The following ATG7 variants were observed in gnomAD, a reference collection of about 807,000 sequenced individuals.
ATG7 encodes the protein autophagy related 7, also known as ubiquitin-like modifier-activating enzyme ATG7.
A neutral mutation model predicts 82.4 loss-of-function variants in ATG7; 70 were observed. The observed-to-expected ratio is 0.85, with a 90% CI of 0.70 to 1.04. ATG7 has a LOEUF of 1.04. Ranked by LOEUF, ATG7 falls within the 50% of genes least tolerant of loss-of-function variation. The pLI, the probability that ATG7 is intolerant of heterozygous loss-of-function variation, is 0.00. For synonymous variants in ATG7, 287 were observed against 313.0 expected (o/e 0.92, Z 0.88); for missense variants, 792 against 864.3 (o/e 0.92, Z 1.05).
chr3:11,292,121 C>T lies in ATG7; in HGVS notation c.-10-6565C>T, dbSNP rs1196016108. Among the ~76,000 whole-genome samples, 25 of 152,242 alleles carry T rather than the reference C, an allele frequency of 1.6e-4. 1 individual carries two copies. Among genetic ancestry groups the T allele is most frequent in the Non-Finnish European group, 2.9e-5 (2 of 68,032 alleles). ...TGGGAATGGAGAGAAGGCAGGCAGA[C>T]CTAGACAGGAAGCATGAAGTTGCAT... On this transcript the variant is annotated intron_variant, in intron 3 of 20. Transcript: ENST00000693202.
At chr3:11,319,548 T>C (rs979168106) in intron 9 of ATG7, among the ~76,000 whole-genome samples, 7 of 152,178 alleles carry the variant, frequency 4.6e-5, no homozygotes, top group African/African-American at 1.7e-4. Flanking sequence ...CCAGAAACCA[T>C]TTCCTCCCAA....
chr3:11,368,349 G>A (rs2076770150), intron 18 of ATG7, among the ~76,000 whole-genome samples: 1 of 151,930 alleles, frequency 6.6e-6, no homozygotes, highest in Non-Finnish European at 1.5e-5. Context: ...TTTGGTAGGA[G>A]GCACAGTTCA....
intron 3 of ATG7, among the ~76,000 whole-genome samples, chr3:11,289,639 C>T (rs1222489907): frequency 6.6e-6 from 1 of 152,198 alleles, no homozygotes; most frequent in African/African-American, 2.4e-5. Context: ...ACTGCAGCCT[C>T]AACCTCCTGG....
chr3:11,428,046 C>T (rs1040418225), intron 20 of ATG7, among the ~76,000 whole-genome samples: 3 of 152,202 alleles, frequency 2.0e-5, no homozygotes, highest in Admixed American at 1.3e-4. Context: ...AAAACCTTGA[C>T]TTCCTGTGTC....
At chr3:11,566,328 T>G in the ATG7 span, among the ~76,000 whole-genome samples, 1 of 152,214 alleles carries the variant, frequency 6.6e-6, no homozygotes, top group Admixed American at 6.5e-5. Flanking sequence ...ACCCTTTACC[T>G]TGACTCCCGC....
chr3:11,521,847 C>T (rs1409602770), intron 20 of ATG7, among the ~76,000 whole-genome samples: 3 of 152,070 alleles, frequency 2.0e-5, no homozygotes, highest in South Asian at 2.1e-4. Flanking sequence ...CCACCACGCC[C>T]GGCCCCAGCC....
Position 11,399,599 on chromosome 3 carries a change from C to CAG in ATG7, c.1956+19548_1956+19549dup, listed in dbSNP as rs564152738. ...CTTCCTTCTTTCCTTCCTTTTTTGA[C>CAG]AGTCTCACTCTATCGCCCAGGCTAG... On this transcript the variant is annotated intron_variant, in intron 19 of 20. Transcript: ENST00000693202. Among the ~76,000 whole-genome samples, 23 of 151,656 alleles carry CAG rather than the reference C, an allele frequency of 1.5e-4. No individual in the cohort carries two copies. The South Asian group carries it at 3.5e-3, about 23-fold the overall frequency.
intron 19 of ATG7, among the ~76,000 whole-genome samples, chr3:11,423,616 TG>T (rs1455490091): frequency 2.0e-5 from 3 of 152,146 alleles, no homozygotes; most frequent in African/African-American, 7.2e-5. Flanking sequence ...ATTTATTAAA[TG>T]CCTTTTTTTT....
At chr3:11,454,402 G>A (rs935766063) in intron 20 of ATG7, among the ~76,000 whole-genome samples, 2 of 152,226 alleles carry the variant, frequency 1.3e-5, no homozygotes, top group African/African-American at 4.8e-5. Context: ...TTGGCTAAGA[G>A]GCTGCGATTA....
chr3:11,505,381 C>G (rs1244239857), intron 20 of ATG7, among the ~76,000 whole-genome samples: 5 of 152,174 alleles, frequency 3.3e-5, no homozygotes, highest in Non-Finnish European at 7.3e-5. Context: ...AGTATATGGG[C>G]TTTTCTCCCT....
intron 20 of ATG7, among the ~76,000 whole-genome samples, chr3:11,477,835 G>A (rs969009467): frequency 6.6e-6 from 1 of 152,136 alleles, no homozygotes; most frequent in Non-Finnish European, 1.5e-5. Flanking sequence ...GCCTGTGTTT[G>A]GCTTCATTCT....
At position 11,476,436 on chromosome 3, in the gene ATG7, T is replaced by C. The variant is rs9853238; in HGVS notation, c.2079+49510T>C. On this transcript the variant is annotated intron_variant, in intron 20 of 20. Transcript: ENST00000693202. ...GGTTTTTCTTTTTTTTTTTTTTTGG[T>C]TTTTCCTTAGATGAGAACTACTGTT... Among the ~76,000 whole-genome samples the C allele has an allele frequency of 3.6e-5, 5 of 137,642 alleles. No individual in the cohort carries two copies. In the East Asian group the frequency reaches 1.1e-3, roughly 30 times the overall value. The allele number at this position is 137,642 out of a possible 152,430, so 90.3% of individuals were successfully genotyped here.
intron 20 of ATG7, among the ~76,000 whole-genome samples, chr3:11,512,988 A>G (rs1473323008): frequency 2.0e-5 from 3 of 152,220 alleles, no homozygotes; most frequent in Non-Finnish European, 4.4e-5. Flanking sequence ...AGGTTCTCCA[A>G]GTCCCCACCA....
Position 11,332,988 on chromosome 3 carries a change from T to C in ATG7, c.784T>C (p.Ser262Pro), listed in dbSNP as rs1951865552. 1 of 1,548,886 alleles carries C rather than the reference T, an allele frequency of 6.5e-7. No homozygotes were observed. The highest frequency in any genetic ancestry group is 8.7e-7 in the Non-Finnish European group (1 of 1,147,844). Residue 262 changes from serine to proline, a missense_variant, in exon 11 of 21, where the codon TCT (serine) becomes CCT (proline). Transcript: ENST00000693202. ...AAHRWSSSFQ[S>P]VEVVCFRDRT... ...TGACAACAGGAGTAGCAGTTTCCAGTCTGTTGAAGTTGTTTGCTTCCGTGA... is the reference window on the plus strand; with the variant it reads ...TGACAACAGGAGTAGCAGTTTCCAGCCTGTTGAAGTTGTTTGCTTCCGTGA...
rs945158572 is a variant in ATG7, at chr3:11,510,023, C to T, written c.2080-44788C>T. Among the ~76,000 whole-genome samples the T allele has an allele frequency of 2.0e-4, 31 of 152,264 alleles. No homozygotes were observed. In the Middle Eastern group the frequency reaches 0.01, roughly 50 times the overall value. ...TTGAACCCAGAACAACTTCCTCCCT[C>T]TGGCTTCCCCTGTTTTCCTCCAAGA... On this transcript the variant is annotated intron_variant, in intron 20 of 20. Transcript: ENST00000693202.
rs1275955326 is a variant in ATG7, at chr3:11,506,587, C to CAAAAAAAA, written c.2080-48219_2080-48218insAAAAAAAA. Among the ~76,000 whole-genome samples, 39 of 119,532 alleles carry CAAAAAAAA rather than the reference C, an allele frequency of 3.3e-4. 3 individuals are homozygous for CAAAAAAAA. The highest frequency in any genetic ancestry group is 7.3e-4 in the African/African-American group (21 of 28,792). 78.4% of individuals were successfully genotyped at this position (119,532 alleles called of 152,430 possible). On this transcript the variant is annotated intron_variant, in intron 20 of 20. Transcript: ENST00000693202. ...AAAAAAAAAAAAAAAAAAAAAAACCCAAAAATTAGCTGGGAGTGGTGGCAG... is the reference window on the plus strand; with the variant it reads ...AAAAAAAAAAAAAAAAAAAAAAACCCAAAAAAAAAAAAATTAGCTGGGAGTGGTGGCAG...
At chr3:11,544,268 G>A (rs531635178) in intron 20 of ATG7, among the ~76,000 whole-genome samples, 10 of 152,282 alleles carry the variant, frequency 6.6e-5, no homozygotes, top group Middle Eastern at 3.4e-3. Flanking sequence ...GCCTTCACCC[G>A]GCAGCACTTC....
intron 19 of ATG7, among the ~76,000 whole-genome samples, chr3:11,394,771 C>G (rs1204759468): frequency 1.3e-5 from 2 of 152,142 alleles, no homozygotes; most frequent in African/African-American, 4.8e-5. Flanking sequence ...TTCTATTTAG[C>G]TAATGCCCAT....
chr3:11,477,542 T>A (rs2088398353), intron 20 of ATG7, among the ~76,000 whole-genome samples: 1 of 152,198 alleles, frequency 6.6e-6, no homozygotes, highest in Non-Finnish European at 1.5e-5. Flanking sequence ...GATAAGGGCG[T>A]TTGTTAGACA....
Sources: allele counts gnomAD v4.1 joint callset (sites outside exome capture counted in the v4.1 genomes callset), GRCh38; gene constraint gnomAD v4.1.1; transcripts MANE v1.5; gene names NCBI Gene and HGNC (gene_info 2026-07-23, HGNC 2026-07-21).